NDUFA10: variants seen among roughly 807,000 people sequenced by gnomAD.
The protein encoded by NDUFA10 is NADH dehydrogenase [ubiquinone] 1 alpha subcomplex subunit 10, mitochondrial.
NDUFA10 carries 40 observed loss-of-function variants against 47.8 expected under a neutral mutation model. The observed-to-expected ratio is 0.84, with a 90% CI of 0.65 to 1.09. The LOEUF is 1.09. Ranked by LOEUF, NDUFA10 falls within the 50% of genes least tolerant of loss-of-function variation. The pLI is 0.00. For synonymous variants in NDUFA10, 183 were observed against 172.2 expected (o/e 1.06, Z -0.49); for missense variants, 413 against 451.1 (o/e 0.92, Z 0.76).
chr2:239,982,470 C>T (rs1271465430), intron 9 of NDUFA10, among the ~76,000 whole-genome samples: 1 of 152,222 alleles, frequency 6.6e-6, no homozygotes, highest in East Asian at 1.9e-4. Context: ...TGTGACCCAA[C>T]TAAAAACAAC....
intron 4 of NDUFA10, among the ~76,000 whole-genome samples, chr2:239,898,821 C>T (rs143137156): frequency 2.6e-4 from 39 of 152,350 alleles, no homozygotes; most frequent in African/African-American, 7.5e-4. Flanking sequence ...TGTCATCATA[C>T]GAAAGCACAG....
At chr2:239,903,081 A>G (rs1009107845) in intron 4 of NDUFA10, among the ~76,000 whole-genome samples, 1 of 152,080 alleles carries the variant, frequency 6.6e-6, no homozygotes, top group African/African-American at 2.4e-5. Flanking sequence ...GGAAATCCAG[A>G]GCACGTTCTT....
chr2:240,014,948 A>G (rs145436155), intron 4 of NDUFA10, 88 bp from the exon 5 acceptor site: 219 of 1,573,950 alleles, frequency 1.4e-4, no homozygotes, highest in Middle Eastern at 8.1e-4. Flanking sequence ...AAGGGCAAAC[A>G]TACACGCAAT....
chr2:239,953,654 C>T (rs1694600529), downstream of NDUFA10, among the ~76,000 whole-genome samples: 1 of 152,200 alleles, frequency 6.6e-6, no homozygotes, highest in South Asian at 2.1e-4. Flanking sequence ...TCCCCTTCCA[C>T]CACCTCCTGT....
At chr2:239,919,108 T>C (rs527786643) in intron 4 of NDUFA10, among the ~76,000 whole-genome samples, 51 of 152,112 alleles carry the variant, frequency 3.4e-4, no homozygotes, top group South Asian at 1.0e-3. Context: ...GGGGCCGAGG[T>C]GGGACAGACT....
rs1694428592 is a variant in NDUFA10 at position 239,945,247 on chromosome 2, C to T, written c.294+44827G>A. ...AGCAGGCCGCTCTGCAGACGCTGGG[C>T]TCCTTCATTTGCACAACCGCAGCGG... is the stretch of plus-strand genomic sequence containing the variant. On this transcript the variant is annotated intron_variant, in intron 4 of 5. Transcript: ENST00000419408. The surrounding 1 kb of genome is among the most constrained non-coding windows in gnomAD (Gnocchi z 4.6). Among the ~76,000 whole-genome samples the T allele has an allele frequency of 6.6e-6, 1 of 152,206 alleles. No homozygotes were observed. Among genetic ancestry groups the T allele is most frequent in the African/African-American group, 2.4e-5 (1 of 41,448 alleles).
At chr2:240,022,374 T>C (rs754444637) in intron 1 of NDUFA10, 34 bp from the exon 2 acceptor site, 1 of 1,613,686 alleles carries the variant, frequency 6.2e-7, no homozygotes, top group Admixed American at 1.7e-5. Flanking sequence ...CAGCACATTG[T>C]GACCACTCTG....
At chr2:240,001,441 A>G (rs1696712830) in intron 8 of NDUFA10, among the ~76,000 whole-genome samples, 1 of 152,156 alleles carries the variant, frequency 6.6e-6, no homozygotes, top group African/African-American at 2.4e-5. Context: ...AATTATTCCC[A>G]CATTTAATCC....
chr2:240,014,678 T>C (rs1292476087), intron 5 of NDUFA10, 61 bp downstream of exon 5: 1 of 1,611,106 alleles, frequency 6.2e-7, no homozygotes, highest in South Asian at 1.1e-5. Context: ...AAAACAGGGC[T>C]TTTAGTGCTG....
At chr2:239,894,852 C>G (rs1693361293) in intron 5 of NDUFA10, among the ~76,000 whole-genome samples, 1 of 152,126 alleles carries the variant, frequency 6.6e-6, no homozygotes, top group South Asian at 2.1e-4. Context: ...AATCAGGAGC[C>G]CTCTTCCATG....
intron 9 of NDUFA10, among the ~76,000 whole-genome samples, chr2:239,981,035 A>G (rs765215847): frequency 6.6e-6 from 1 of 152,270 alleles, no homozygotes; most frequent in Admixed American, 6.5e-5. Context: ...CAAAGGTGCC[A>G]TCAATCCCTC....
chr2:239,922,015 T>C (rs1693995918), intron 4 of NDUFA10, among the ~76,000 whole-genome samples: 1 of 71,740 alleles, frequency 1.4e-5, no homozygotes, highest in Admixed American at 1.4e-4. Context: ...TTTCCTTCCT[T>C]CCCTTCTTCC....
rs577412325 is a variant in NDUFA10 at position 240,002,454 on chromosome 2, A to C, written c.890+2756T>G. Among the ~76,000 whole-genome samples, 44 of 152,292 alleles carry C rather than the reference A, an allele frequency of 2.9e-4. No individual in the cohort carries two copies. In the South Asian group the frequency reaches 9.1e-3, roughly 32 times the overall value. On this transcript the variant is annotated intron_variant, in intron 8 of 9. Coordinates refer to ENST00000252711, the MANE Select transcript of NDUFA10 (RefSeq NM_004544.4). Reference sequence around the variant, plus strand: ...TTCTAGAGAGCCAATCATTTCAGTAAGCTACTTTTAGATTAACACCATTTT... The same window carrying C: ...TTCTAGAGAGCCAATCATTTCAGTACGCTACTTTTAGATTAACACCATTTT...
intron 4 of NDUFA10, chr2:240,017,900 C>T (rs780820114): frequency 6.5e-5 from 102 of 1,564,368 alleles, no homozygotes; most frequent in Non-Finnish European, 8.4e-5. Context: ...CTCCAGCCAC[C>T]CCAGTCTACA....
intron 2 of NDUFA10, among the ~76,000 whole-genome samples, chr2:240,021,935 A>T (rs1697639847): frequency 6.6e-6 from 1 of 152,188 alleles, no homozygotes; most frequent in Non-Finnish European, 1.5e-5. Context: ...TTCCAATTCA[A>T]ATTGACAACC....
In NDUFA10 at chr2:240,025,318, C is replaced by A; in HGVS notation, c.-17G>T. On this transcript the variant is annotated 5_prime_UTR_variant, in exon 1 of 10. Coordinates refer to ENST00000252711, the MANE Select transcript of NDUFA10 (RefSeq NM_004544.4). Reference sequence around the variant, plus strand: ...CAAGGCCATGGCTACCCGGTCAGCTCAGGATCAAGGACCCAAGGGGACGCG... The same window carrying A: ...CAAGGCCATGGCTACCCGGTCAGCTAAGGATCAAGGACCCAAGGGGACGCG... The A allele has an allele frequency of 6.7e-7, 1 of 1,498,330 alleles. No homozygotes were observed. The highest frequency in any genetic ancestry group is 8.9e-7 in the Non-Finnish European group (1 of 1,127,164). The allele number at this position is 1,498,330 out of a possible 1,614,324, so 92.8% of individuals were successfully genotyped here.
chr2:240,014,654 G>A (rs1297245331), intron 5 of NDUFA10, 85 bp downstream of exon 5: 13 of 1,582,664 alleles, frequency 8.2e-6, no homozygotes, highest in African/African-American at 1.3e-5. Flanking sequence ...GTAGGAATTA[G>A]TATAAATGCT....
At position 239,945,805 on chromosome 2, in the gene NDUFA10, A is replaced by C. The variant is rs1398207075; in HGVS notation, c.294+44269T>G. 6.6e-6 allele frequency among the ~76,000 whole-genome samples: 1 copy of C among 151,056 alleles called. No homozygotes were observed. The highest frequency in any genetic ancestry group is 1.5e-5 in the Non-Finnish European group (1 of 67,838). ...CCAAACGTGCAGAGTGGACCACTCCAGACCCCCCTGAAGGCCGTCCCCAGG... is the reference window on the plus strand; with the variant it reads ...CCAAACGTGCAGAGTGGACCACTCCCGACCCCCCTGAAGGCCGTCCCCAGG... On this transcript the variant is annotated intron_variant, in intron 4 of 5. Transcript: ENST00000419408. This position sits in a 1 kb window ranked among gnomAD's most constrained non-coding sequence, Gnocchi z 4.6.
At chr2:240,005,879 G>A (rs1450083005) in intron 7 of NDUFA10, among the ~76,000 whole-genome samples, 2 of 152,108 alleles carry the variant, frequency 1.3e-5, no homozygotes, top group Non-Finnish European at 2.9e-5. Flanking sequence ...TGAAGACTAG[G>A]GGAGAAAAAT....
Sources: allele counts gnomAD v4.1 joint callset (sites outside exome capture counted in the v4.1 genomes callset), GRCh38; gene constraint gnomAD v4.1.1; non-coding constraint Gnocchi (gnomAD v3.1); transcripts MANE v1.5; gene names NCBI Gene and HGNC (gene_info 2026-07-23, HGNC 2026-07-21).